Variants in NMD3 observed in about 807,000 individuals in gnomAD.
NMD3 encodes the protein NMD3 ribosome export adaptor.
A neutral mutation model predicts 73.1 loss-of-function variants in NMD3; 47 were observed. The ratio of observed to expected loss-of-function variants is 0.64; its 90% confidence interval spans 0.51 to 0.82. The LOEUF (loss-of-function observed/expected upper bound fraction) is 0.82. NMD3 is among the 40% of genes least tolerant of loss of function. The pLI is 0.00. For missense variants in NMD3, 554 were observed against 612.5 expected (o/e 0.90, Z 1.01); for synonymous variants, 210 against 194.5 (o/e 1.08, Z -0.66).
rs1326934820 is a variant in NMD3, at chr3:161,225,035, C to T, written c.150C>T (p.Val50=). Residue 50 remains valine (V), a synonymous_variant, in exon 3 of 16, where the codon GTC becomes GTT. Coordinates refer to ENST00000351193, the MANE Select transcript of NMD3 (RefSeq NM_015938.5). ...TCAGCCAAGGTATTCCGAAACAAGTCTCGATTTCGTTCTGCAAACAATGTC... is the reference window on the plus strand; with the variant it reads ...TCAGCCAAGGTATTCCGAAACAAGTTTCGATTTCGTTCTGCAAACAATGTC... The part of the protein sequence containing the change: ...VDISQGIPKQ[V]SISFCKQCQR... 1 of 1,613,772 alleles carries T rather than the reference C, an allele frequency of 6.2e-7. No homozygotes were observed. The highest frequency in any genetic ancestry group is 1.7e-5 in the Admixed American group (1 of 59,958).
chr3:161,244,755 C>A (rs1737132706), intron 11 of NMD3, among the ~76,000 whole-genome samples: 1 of 151,400 alleles, frequency 6.6e-6, no homozygotes, highest in African/African-American at 2.4e-5. Context: ...GTGATCTTAC[C>A]ACCTCAGCAT....
intron 7 of NMD3, among the ~76,000 whole-genome samples, chr3:161,236,586 T>A (rs1736765441): frequency 6.6e-6 from 1 of 152,168 alleles, no homozygotes; most frequent in South Asian, 2.1e-4. Context: ...AAGTCCAGTT[T>A]ATCAAGTTTT....
rs370575163 is a variant in NMD3 at position 161,227,331 on chromosome 3, C to T, written c.264C>T (p.Ala88=). ...CTTTGTGCTTGAAAAAAATCAAAGC[C>T]CCTCTGAGTAAGGTAAGTTAAACAG... The part of the protein sequence containing the change: ...LLALCLKKIK[A]PLSKVRLVDA... The change falls in exon 4 of 16, where the codon GCC becomes GCT. Residue 88 remains alanine (A), a synonymous_variant. Transcript: ENST00000351193. 4 of 1,596,434 alleles carry T rather than the reference C, an allele frequency of 2.5e-6. No individual in the cohort carries two copies. The highest frequency in any genetic ancestry group is 3.4e-6 in the Non-Finnish European group (4 of 1,167,174).
chr3:161,235,079 CT>C, intron 6 of NMD3, 42 bp from the exon 7 acceptor site: 3 of 1,115,688 alleles, frequency 2.7e-6, no homozygotes, highest in Non-Finnish European at 2.6e-6. Context: ...CTATAAATGG[CT>C]TTTTTGTGGG....
intron 9 of NMD3, among the ~76,000 whole-genome samples, chr3:161,240,312 G>A (rs574098526): frequency 6.6e-6 from 1 of 152,040 alleles, no homozygotes; most frequent in East Asian, 1.9e-4. Flanking sequence ...ATTGTATATT[G>A]GCACATGTAG....
At chr3:161,250,395 G>A (rs1470284120) in intron 15 of NMD3, 69 bp downstream of exon 15, 13 of 904,714 alleles carry the variant, frequency 1.4e-5, no homozygotes, top group Non-Finnish European at 1.9e-5. Flanking sequence ...TGAATATTTT[G>A]GTATCTTAAG....
chr3:161,235,331 G>GTA, intron 7 of NMD3, 119 bp downstream of exon 7: 21 of 385,876 alleles, frequency 5.4e-5, no homozygotes, highest in East Asian at 8.7e-5. Flanking sequence ...CTTTCTGTTA[G>GTA]GAAAAAAAAA....
At chr3:161,246,708 T>C (rs1053605862) in intron 12 of NMD3, among the ~76,000 whole-genome samples, 1 of 152,220 alleles carries the variant, frequency 6.6e-6, no homozygotes, top group Non-Finnish European at 1.5e-5. Flanking sequence ...TATATGGTTG[T>C]ATCCATATTT....
chr3:161,246,206 GA>G lies in NMD3; in HGVS notation c.1018-125del, dbSNP rs1301536596. The G allele has an allele frequency of 7.4e-6, 3 of 407,660 alleles. No individual in the cohort carries two copies. The East Asian group carries it at 1.1e-4, about 14-fold the overall frequency. The allele number at this position is 407,660 out of a possible 1,614,324, so 25.3% of individuals were successfully genotyped here. ...AATTTTGACAGTGTTTCATACATCA[GA>G]AAAATACAAAAAATTTTCTGTCTTT... On this transcript the variant is annotated intron_variant, in intron 11 of 15. Coordinates refer to ENST00000351193, the MANE Select transcript of NMD3 (RefSeq NM_015938.5).
At chr3:161,246,521 A>G in intron 12 of NMD3, 73 bp downstream of exon 12, 3 of 572,378 alleles carry the variant, frequency 5.2e-6, no homozygotes, top group Non-Finnish European at 9.7e-6. Flanking sequence ...AAAACTACCT[A>G]AAAATACTAA....
intron 11 of NMD3, among the ~76,000 whole-genome samples, chr3:161,243,118 A>G (rs759171936): frequency 2.6e-5 from 4 of 152,200 alleles, no homozygotes; most frequent in Admixed American, 6.5e-5. Flanking sequence ...CCATGGGGAT[A>G]CATTCCAAGA....
At chr3:161,242,087 G>A (rs756956024) in intron 10 of NMD3, among the ~76,000 whole-genome samples, 3 of 151,974 alleles carry the variant, frequency 2.0e-5, no homozygotes, top group African/African-American at 4.8e-5. Context: ...GGATTCATAA[G>A]TTAAAGATCT....
At chr3:161,236,109 T>C (rs1736745665) in intron 7 of NMD3, among the ~76,000 whole-genome samples, 1 of 152,150 alleles carries the variant, frequency 6.6e-6, no homozygotes. Context: ...TTCTGAGTAC[T>C]ATAATGGGTC....
intron 4 of NMD3, among the ~76,000 whole-genome samples, chr3:161,230,829 T>C (rs1191876445): frequency 6.6e-6 from 1 of 152,152 alleles, no homozygotes; most frequent in Non-Finnish European, 1.5e-5. Flanking sequence ...CCTTCTTTTG[T>C]ACTGGAGAAA....
intron 4 of NMD3, among the ~76,000 whole-genome samples, chr3:161,231,444 T>G (rs1021564406): frequency 4.6e-5 from 7 of 152,170 alleles, no homozygotes; most frequent in African/African-American, 1.2e-4. Context: ...GTCAGGGTAT[T>G]GTGGGGATCA....
At chr3:161,236,210 G>A (rs1295386604) in intron 7 of NMD3, among the ~76,000 whole-genome samples, 2 of 151,842 alleles carry the variant, frequency 1.3e-5, no homozygotes, top group Non-Finnish European at 2.9e-5. Flanking sequence ...ATTCTTTTGG[G>A]TACATACTTA....
intron 11 of NMD3, among the ~76,000 whole-genome samples, chr3:161,243,943 T>A (rs191370477): frequency 2.7e-3 from 414 of 152,260 alleles, no homozygotes; most frequent in Non-Finnish European, 5.2e-3. Flanking sequence ...TCCTGTTACC[T>A]CTTTTTTTTT....
intron 9 of NMD3, among the ~76,000 whole-genome samples, chr3:161,240,230 G>C (rs1330062951): frequency 1.3e-5 from 2 of 152,142 alleles, no homozygotes; most frequent in African/African-American, 2.4e-5. Flanking sequence ...TTTAAAAACA[G>C]ATAATTACGT....
intron 10 of NMD3, 135 bp from the exon 11 acceptor site, chr3:161,242,373 A>G (rs1195455365): frequency 1.9e-5 from 13 of 699,964 alleles, no homozygotes; most frequent in East Asian, 2.7e-5. Context: ...TGATGACCCT[A>G]AGGAGTGAGT....
Sources: allele counts gnomAD v4.1 joint callset (sites outside exome capture counted in the v4.1 genomes callset), GRCh38; gene constraint gnomAD v4.1.1; transcripts MANE v1.5; gene names NCBI Gene and HGNC (gene_info 2026-07-23, HGNC 2026-07-21).